PARD3: variants seen among roughly 807,000 people sequenced by gnomAD.
The protein encoded by PARD3 is partitioning defective 3 homolog.
Under a neutral mutation model 155.4 loss-of-function variants are expected in PARD3, and 75 were observed. The ratio of observed to expected loss-of-function variants is 0.48; its 90% CI spans 0.40 to 0.58. The LOEUF (loss-of-function observed/expected upper bound fraction) is 0.58, where lower values mean the gene tolerates loss of function less well. Among genes scored for constraint, PARD3 ranks in the 20% least tolerant of loss-of-function variants. PARD3 has a pLI of 0.00. For missense variants in PARD3, 1,642 were observed against 1,721.7 expected, an observed-to-expected ratio of 0.95 and a Z score of 0.82; for synonymous variants, 576 against 610.5, an observed-to-expected ratio of 0.94 and a Z score of 0.83.
At chr10:34,211,283 T>A (rs900982062) in intron 22 of PARD3, among the ~76,000 whole-genome samples, 4 of 152,194 alleles carry the variant, frequency 2.6e-5, no homozygotes, top group Non-Finnish European at 4.4e-5. Context: ...TTCTGGCCCG[T>A]GTGACCCCAA....
intron 10 of PARD3, among the ~76,000 whole-genome samples, chr10:34,377,053 A>C (rs1011569402): frequency 6.6e-6 from 1 of 152,188 alleles, no homozygotes; most frequent in Non-Finnish European, 1.5e-5. Flanking sequence ...ATAGAAAAAA[A>C]ATTCAAAAAC....
At chr10:34,665,902 GAACA>G (rs1448591660) in intron 2 of PARD3, among the ~76,000 whole-genome samples, 32 of 133,678 alleles carry the variant, frequency 2.4e-4, no homozygotes, top group East Asian at 1.2e-3. Flanking sequence ...GAACAGAACA[GAACA>G]AAAAGAAAAG....
At chr10:34,482,004 C>T (rs991499676) in intron 3 of PARD3, among the ~76,000 whole-genome samples, 2 of 144,982 alleles carry the variant, frequency 1.4e-5, no homozygotes, top group Non-Finnish European at 3.0e-5. Context: ...GCTACAGGCA[C>T]ACACCACTGT....
At chr10:34,192,352 C>A (rs1488071533) in intron 22 of PARD3, among the ~76,000 whole-genome samples, 1 of 152,172 alleles carries the variant, frequency 6.6e-6, no homozygotes, top group Non-Finnish European at 1.5e-5. Context: ...CCCACCTTGG[C>A]CTCCCAAAGT....
rs114429011 is a variant in PARD3, at chr10:34,130,183, T to C, written c.3540+1280A>G. Reference sequence around the variant, plus strand: ...TTCCAAGATCCTAGAGTCCAAAAAATACACTGTTTTGACCACAACTTCCTA... The same window carrying C: ...TTCCAAGATCCTAGAGTCCAAAAAACACACTGTTTTGACCACAACTTCCTA... On this transcript the variant is annotated intron_variant, in intron 23 of 24. Transcript: ENST00000374788. Among the ~76,000 whole-genome samples, 524 of 152,226 alleles carry C rather than the reference T, an allele frequency of 3.4e-3. 1 individual carries two copies. The highest frequency in any genetic ancestry group is 0.012 in the African/African-American group (490 of 41,528).
intron 4 of PARD3, among the ~76,000 whole-genome samples, chr10:34,451,631 T>G (rs1184030571): frequency 6.6e-6 from 1 of 152,146 alleles, no homozygotes; most frequent in East Asian, 1.9e-4. Flanking sequence ...ATGTAAATAT[T>G]GGGACATATG....
At chr10:34,226,432 C>A (rs1952605504) in intron 22 of PARD3, among the ~76,000 whole-genome samples, 1 of 152,304 alleles carries the variant, frequency 6.6e-6, no homozygotes, top group African/African-American at 2.4e-5. Context: ...TGCCGGTAAT[C>A]CCAGCTATTT....
chr10:34,653,187 G>T lies in PARD3; in HGVS notation c.222+43131C>A, dbSNP rs114543762. Among the ~76,000 whole-genome samples, 1,062 of 152,146 alleles carry T rather than the reference G, an allele frequency of 7.0e-3. 11 individuals are homozygous for T. Among genetic ancestry groups the T allele is most frequent in the African/African-American group, 0.025 (1,030 of 41,474 alleles). On this transcript the variant is annotated intron_variant, in intron 2 of 24. Coordinates refer to ENST00000374788, the MANE Select transcript of PARD3 (RefSeq NM_001184785.2). ...CTGTTACAAGGACTGTATTCTTTAG[G>T]GGGGAAGCAAATTACGTTCGAACAT...
At chr10:34,219,419 A>T (rs748207315) in intron 22 of PARD3, among the ~76,000 whole-genome samples, 2 of 152,220 alleles carry the variant, frequency 1.3e-5, no homozygotes, top group African/African-American at 4.8e-5. Flanking sequence ...CCCACAAAAG[A>T]TGCCATTAGC....
intron 2 of PARD3, among the ~76,000 whole-genome samples, chr10:34,570,503 G>A (rs528406681): frequency 2.0e-4 from 30 of 152,258 alleles, no homozygotes; most frequent in Admixed American, 1.1e-3. Flanking sequence ...TAATGCTGCA[G>A]TGAGCCAACT....
chr10:34,254,197 T>C (rs556685917), intron 22 of PARD3, among the ~76,000 whole-genome samples: 33 of 152,186 alleles, frequency 2.2e-4, no homozygotes, highest in African/African-American at 5.5e-4. Flanking sequence ...CTGGCCAACA[T>C]GGCGAAACCC....
At chr10:34,770,385 G>T (rs528753105) in intron 1 of PARD3, among the ~76,000 whole-genome samples, 3 of 145,190 alleles carry the variant, frequency 2.1e-5, no homozygotes, top group African/African-American at 8.6e-5. Context: ...TCGAGCCCTC[G>T]GCTAGCCTGT....
At chr10:34,408,697 T>G (rs770171758) in intron 5 of PARD3, among the ~76,000 whole-genome samples, 7 of 152,108 alleles carry the variant, frequency 4.6e-5, no homozygotes, top group Non-Finnish European at 8.8e-5. Context: ...TACAAAATGA[T>G]AAATCTATAG....
intron 2 of PARD3, among the ~76,000 whole-genome samples, chr10:34,534,954 G>C (rs2083120076): frequency 6.6e-6 from 1 of 152,218 alleles, no homozygotes; most frequent in Non-Finnish European, 1.5e-5. Context: ...AGAGGTTACA[G>C]TGGGCCAAGA....
rs1841073617 is a variant in PARD3, at chr10:34,375,019, G to T, written c.1540-17C>A. 1.3e-6 allele frequency: 2 copies of T among 1,578,756 alleles called. No homozygotes were observed. The highest frequency in any genetic ancestry group is 1.1e-5 in the South Asian group (1 of 90,472). On this transcript the variant is annotated splice_polypyrimidine_tract_variant and intron_variant, in intron 10 of 24. Transcript: ENST00000374788. The stretch of plus-strand genomic sequence containing the variant: ...TCCATTTACCTAAAACAAAACAAAA[G>T]TTTTCAGCTGTAATCCTGTGGAAAC...
At chr10:34,160,802 G>A (rs149279721) in intron 22 of PARD3, among the ~76,000 whole-genome samples, 23 of 152,282 alleles carry the variant, frequency 1.5e-4, no homozygotes, top group South Asian at 1.5e-3. Flanking sequence ...GGACAGTGTC[G>A]CCATTAACTT....
chr10:34,684,112 A>C (rs2093898408), intron 2 of PARD3, among the ~76,000 whole-genome samples: 1 of 152,222 alleles, frequency 6.6e-6, no homozygotes, highest in African/African-American at 2.4e-5. Flanking sequence ...TTCATACTAA[A>C]GTCCAAAAAA....
intron 21 of PARD3, among the ~76,000 whole-genome samples, chr10:34,272,995 G>A (rs1582122): frequency 0.14 from 20,657 of 152,022 alleles, 3,684 homozygotes; most frequent in African/African-American, 0.41. Context: ...TAGGGAAACC[G>A]GGCTTCTCAT....
At position 34,273,417 on chromosome 10, in the gene PARD3, T is replaced by C. The variant is rs141679013; in HGVS notation, c.3177-3518A>G. Among the ~76,000 whole-genome samples the C allele has an allele frequency of 7.2e-4, 110 of 152,314 alleles. 1 individual carries two copies. The East Asian group carries it at 0.02, about 28-fold the overall frequency. On this transcript the variant is annotated intron_variant, in intron 21 of 24. Transcript: ENST00000374788. ...TCTCACAGGTCATATATGATTTCAC[T>C]TATATAGCATTCTCAAAATGACAAA...
Sources: gnomAD v4.1 joint callset for allele counts (sites outside exome capture counted in the v4.1 genomes callset) on GRCh38, gnomAD v4.1.1 for gene constraint, MANE v1.5 for transcripts, NCBI Gene and HGNC (gene_info 2026-07-23, HGNC 2026-07-21) for gene names.